Variants in NOL4 observed in about 807,000 individuals in gnomAD.
The protein encoded by NOL4 is nucleolar protein 4, also known as cancer/testis antigen 125.
NOL4 carries 17 observed loss-of-function variants against 75.9 expected under a neutral mutation model. The ratio of observed to expected loss-of-function variants is 0.22; its 90% CI spans 0.15 to 0.34. NOL4 has a LOEUF of 0.34. Ranked by LOEUF, NOL4 falls within the 10% of genes least tolerant of loss-of-function variation. The pLI is 1.00. For missense variants in NOL4, 614 were observed against 793.5 expected (o/e 0.77, Z 2.72); for synonymous variants, 292 against 289.9 (o/e 1.01, Z -0.07).
At chr18:34,214,715 G>A (rs1047840542) in intron 1 of NOL4, among the ~76,000 whole-genome samples, 13 of 152,188 alleles carry the variant, frequency 8.5e-5, no homozygotes, top group Non-Finnish European at 1.6e-4. Flanking sequence ...CTGCCCACTC[G>A]TGTTCATTGC....
intron 5 of NOL4, among the ~76,000 whole-genome samples, chr18:34,072,467 A>G (rs2077565651): frequency 6.6e-6 from 1 of 152,206 alleles, no homozygotes; most frequent in African/African-American, 2.4e-5. Context: ...AATGGAGAGA[A>G]TTAAAGAGAA....
intron 1 of NOL4, among the ~76,000 whole-genome samples, chr18:34,151,849 T>C (rs2081653662): frequency 6.6e-6 from 1 of 151,750 alleles, no homozygotes; most frequent in African/African-American, 2.4e-5. Flanking sequence ...GCTGTAAACC[T>C]GAAGTCTATT....
chr18:33,954,459 C>T (rs747285109), intron 8 of NOL4, among the ~76,000 whole-genome samples: 40 of 151,312 alleles, frequency 2.6e-4, no homozygotes, highest in Admixed American at 2.2e-3. Flanking sequence ...AATGCTCTTT[C>T]GAGAAACCTG....
At chr18:34,139,484 TC>T (rs1257466442) in intron 1 of NOL4, among the ~76,000 whole-genome samples, 2 of 152,238 alleles carry the variant, frequency 1.3e-5, no homozygotes, top group Non-Finnish European at 2.9e-5. Context: ...TATAGTATTC[TC>T]TGATGGTAGT....
intron 2 of NOL4, among the ~76,000 whole-genome samples, chr18:34,112,542 C>A (rs1398196793): frequency 6.6e-6 from 1 of 151,944 alleles, no homozygotes; most frequent in African/African-American, 2.4e-5. Context: ...AGAAGGAAAT[C>A]CTGTCATTTG....
At chr18:34,101,367 G>C (rs2079035791) in intron 4 of NOL4, among the ~76,000 whole-genome samples, 1 of 152,082 alleles carries the variant, frequency 6.6e-6, no homozygotes, top group Admixed American at 6.6e-5. Flanking sequence ...TATAGCTCAG[G>C]TACAAGAAAG....
chr18:34,029,707 T>C (rs1047291822), intron 5 of NOL4, among the ~76,000 whole-genome samples: 11 of 152,182 alleles, frequency 7.2e-5, no homozygotes, highest in African/African-American at 2.7e-4. Context: ...GCACAGAAAC[T>C]TTCTGTTTAT....
intron 9 of NOL4, among the ~76,000 whole-genome samples, chr18:33,890,429 C>T (rs1182947147): frequency 1.3e-5 from 2 of 151,970 alleles, no homozygotes; most frequent in Non-Finnish European, 2.9e-5. Flanking sequence ...GAATCAATAT[C>T]GTGAAAATGG....
chr18:34,138,299 G>A (rs1015377046), intron 1 of NOL4, among the ~76,000 whole-genome samples: 1 of 152,094 alleles, frequency 6.6e-6, no homozygotes, highest in Non-Finnish European at 1.5e-5. Flanking sequence ...ATGCTCAGGA[G>A]GCTGAGGTTG....
chr18:34,139,292 G>C (rs1415277249), intron 1 of NOL4, among the ~76,000 whole-genome samples: 1 of 152,180 alleles, frequency 6.6e-6, no homozygotes, highest in Non-Finnish European at 1.5e-5. Context: ...ATTCGGCTGT[G>C]AATCTGTCTG....
In NOL4 at chr18:33,880,966, G is replaced by A. The variant is rs560616898; in HGVS notation, c.1723+2278C>T. On this transcript the variant is annotated intron_variant, in intron 10 of 10. Transcript: ENST00000261592. ...GTTTTTATTAATAGCAGATTCTCAC[G>A]GACTATTCTCATCACAGTCTATCCA... Among the ~76,000 whole-genome samples, 16 of 151,864 alleles carry A rather than the reference G, an allele frequency of 1.1e-4. No homozygotes were observed. In the East Asian group the frequency reaches 2.0e-3, roughly 19 times the overall value.
chr18:34,222,141 C>T, intron 1 of NOL4: 2 of 1,528,256 alleles, frequency 1.3e-6, no homozygotes, highest in Middle Eastern at 3.4e-4. Flanking sequence ...CTGGCTTCTG[C>T]AGCGTGAGGC....
At chr18:34,064,043 T>A (rs2077168858) in intron 5 of NOL4, among the ~76,000 whole-genome samples, 1 of 152,044 alleles carries the variant, frequency 6.6e-6, no homozygotes, top group Non-Finnish European at 1.5e-5. Flanking sequence ...TGTTTAGAAA[T>A]AATTAACAAT....
intron 6 of NOL4, among the ~76,000 whole-genome samples, chr18:33,971,482 G>C (rs1340086093): frequency 6.6e-6 from 1 of 152,146 alleles, no homozygotes; most frequent in East Asian, 1.9e-4. Flanking sequence ...ACTTGAAACT[G>C]TTTACAATAA....
chr18:33,935,054 G>A (rs1377395673), intron 9 of NOL4, among the ~76,000 whole-genome samples: 1 of 151,784 alleles, frequency 6.6e-6, no homozygotes, highest in Admixed American at 6.6e-5. Context: ...TGTAGAGATG[G>A]GGGTCTCACT....
intron 9 of NOL4, among the ~76,000 whole-genome samples, chr18:33,924,413 AC>A (rs1395275568): frequency 6.6e-6 from 1 of 152,114 alleles, no homozygotes; most frequent in African/African-American, 2.4e-5. Context: ...AATATTTTAA[AC>A]TACGGCATTA....
At chr18:34,202,192 G>A (rs1238349115) in intron 1 of NOL4, among the ~76,000 whole-genome samples, 1 of 151,826 alleles carries the variant, frequency 6.6e-6, no homozygotes, top group Admixed American at 6.6e-5. Flanking sequence ...TGTTTATTAA[G>A]CACTTGCTCT....
At chr18:34,112,467 GTATA>G (rs1393853807) in intron 2 of NOL4, among the ~76,000 whole-genome samples, 2 of 151,842 alleles carry the variant, frequency 1.3e-5, no homozygotes, top group East Asian at 3.9e-4. Context: ...TTTTATATGT[GTATA>G]TATACATATA....
At chr18:34,055,378 A>T (rs1200594399) in intron 5 of NOL4, among the ~76,000 whole-genome samples, 1 of 152,150 alleles carries the variant, frequency 6.6e-6, no homozygotes, top group Admixed American at 6.5e-5. Context: ...TGTTGGCTGT[A>T]GTATTCTTGG....
Sources: allele counts gnomAD v4.1 joint callset (sites outside exome capture counted in the v4.1 genomes callset), GRCh38; gene constraint gnomAD v4.1.1; transcripts MANE v1.5; gene names NCBI Gene and HGNC (gene_info 2026-07-23, HGNC 2026-07-21).